The following ZBTB47 variants were observed in gnomAD, a reference collection of about 807,000 sequenced individuals.
The protein encoded by ZBTB47 is zinc finger and BTB domain containing 47.
Under a neutral mutation model 56.6 loss-of-function variants are expected in ZBTB47, and 24 were observed. That is an observed-to-expected ratio of 0.42 (90% CI 0.31 to 0.60). The LOEUF is 0.60. Among genes scored for constraint, ZBTB47 ranks in the 20% least tolerant of loss-of-function variants. The probability of loss-of-function intolerance (pLI) is 0.14; values close to 1 mark genes in which losing one functional copy is unlikely to be tolerated. For synonymous variants in ZBTB47, 414 were observed against 418.9 expected, an observed-to-expected ratio of 0.99 and a Z score of 0.14; for missense variants, 829 against 1,032.6, an observed-to-expected ratio of 0.80 and a Z score of 2.70.
At position 42,659,605 on chromosome 3, in the gene ZBTB47, G is replaced by A. The variant is rs1261693688; in HGVS notation, c.1250G>A (p.Gly417Glu). The change falls in exon 2 of 6, where the codon GGG (glycine) becomes GAG (glutamate). Residue 417 changes from glycine to glutamate, a missense_variant. By Grantham distance (98) the Gly-to-Glu change is moderately conservative. Coordinates refer to ENST00000232974, the MANE Select transcript of ZBTB47 (RefSeq NM_145166.4). Reference sequence around the variant, plus strand: ...GGAGTGGCCTCTGCATCGGCCCGAGGGCCGCCAGCCACTGATGGGCTGGGG... The same window carrying A: ...GGAGTGGCCTCTGCATCGGCCCGAGAGCCGCCAGCCACTGATGGGCTGGGG... The part of the protein sequence containing the change: ...PPGVASASAR[G>E]PPATDGLGAK... 1 of 1,601,804 alleles carries A rather than the reference G, an allele frequency of 6.2e-7. No individual in the cohort carries two copies. The highest frequency in any genetic ancestry group is 1.1e-5 in the South Asian group (1 of 89,608).
Position 42,662,919 on chromosome 3 carries a change from C to T in ZBTB47, c.1622-93C>T. 3.5e-6 allele frequency: 3 copies of T among 854,812 alleles called. No individual in the cohort carries two copies. In the South Asian group the frequency reaches 4.4e-5, roughly 13 times the overall value. The allele number at this position is 854,812 out of a possible 1,614,324, so 53.0% of individuals were successfully genotyped here. A position where few individuals can be genotyped will look rare whatever the true frequency, so the allele number is the denominator to read the frequency against. Reference sequence around the variant, plus strand: ...GGCCAGCCCCAGAGAAGGGTGGTGGCACAGGGCTGCCCCAGGAGGCAGGGT... The same window carrying T: ...GGCCAGCCCCAGAGAAGGGTGGTGGTACAGGGCTGCCCCAGGAGGCAGGGT... On this transcript the variant is annotated intron_variant, in intron 3 of 5. Transcript: ENST00000232974.
rs1325421162 is a variant in ZBTB47 at position 42,667,154 on chromosome 3, A to C, written c.*2556A>C. Among the ~76,000 whole-genome samples, 1 of 152,256 alleles carries C rather than the reference A, an allele frequency of 6.6e-6. No homozygotes were observed. On this transcript the variant is annotated 3_prime_UTR_variant, in exon 6 of 6. Coordinates refer to ENST00000232974, the MANE Select transcript of ZBTB47 (RefSeq NM_145166.4). The stretch of plus-strand genomic sequence containing the variant: ...CAGAATGAGGCGACTAGGGCACCAT[A>C]CTCACTTTCCAGGGCTGGGGGAAGG...
chr3:42,661,359 T>C, intron 2 of ZBTB47, 126 bp from the exon 3 acceptor site: 1 of 1,063,088 alleles, frequency 9.4e-7, no homozygotes, highest in East Asian at 2.4e-5. Context: ...TGGCTGGCTG[T>C]TGGCATCAAG....
At position 42,654,693 on chromosome 3, in the gene ZBTB47, A is replaced by C; in HGVS notation, c.-82+810A>C. On this transcript the variant is annotated intron_variant, in intron 1 of 5. Transcript: ENST00000232974. The surrounding 1 kb of genome is among the most constrained non-coding windows in gnomAD (Gnocchi z 5.0). ...TGTGAGCCCCCAGCGCCACGGCACCATGGTACGCAGGGCCCTGCCTGTCCC... is the reference window on the plus strand; with the variant it reads ...TGTGAGCCCCCAGCGCCACGGCACCCTGGTACGCAGGGCCCTGCCTGTCCC... 1 of 984,750 alleles carries C rather than the reference A, an allele frequency of 1.0e-6. No individual in the cohort carries two copies. Among genetic ancestry groups the C allele is most frequent in the Non-Finnish European group, 1.2e-6 (1 of 829,686 alleles). 61.0% of individuals were successfully genotyped at this position (984,750 alleles called of 1,614,324 possible).
rs1255128590 is a variant in ZBTB47, at chr3:42,658,988, G to A, written c.633G>A (p.Glu211=). The part of the protein sequence containing the change: ...GGPPASLCKL[E]GGEELEEELG... ...CCCCAGCCAGCTTGTGCAAGCTGGAGGGTGGAGAAGAGTTGGAGGAAGAGC... is the reference window on the plus strand; with the variant it reads ...CCCCAGCCAGCTTGTGCAAGCTGGAAGGTGGAGAAGAGTTGGAGGAAGAGC... Residue 211 remains glutamate, a synonymous_variant, in exon 2 of 6, where the codon GAG becomes GAA. Transcript: ENST00000232974. 4 of 1,525,832 alleles carry A rather than the reference G, an allele frequency of 2.6e-6. No homozygotes were observed. The highest frequency in any genetic ancestry group is 3.5e-6 in the Non-Finnish European group (4 of 1,142,132). The allele number at this position is 1,525,832 out of a possible 1,614,324, so 94.5% of individuals were successfully genotyped here. A position where few individuals can be genotyped will look rare whatever the true frequency, so the allele number is the denominator to read the frequency against.
Position 42,659,624 on chromosome 3 carries a change from G to A in ZBTB47, c.1269G>A (p.Gly423=), listed in dbSNP as rs1240723165. ...ASARGPPATD[G]LGAKVKLEEK... ...CCCGAGGGCCGCCAGCCACTGATGG[G>A]CTGGGGGCCAAGGTGAAGCTGGAGG... The change falls in exon 2 of 6, where the codon GGG becomes GGA. Residue 423 remains glycine, a synonymous_variant. Coordinates refer to ENST00000232974, the MANE Select transcript of ZBTB47 (RefSeq NM_145166.4). 3.7e-6 allele frequency: 6 copies of A among 1,610,848 alleles called. No homozygotes were observed. The highest frequency in any genetic ancestry group is 5.1e-6 in the Non-Finnish European group (6 of 1,178,758).
In ZBTB47 at chr3:42,663,287, C is replaced by G. The variant is rs754361344; in HGVS notation, c.1737+160C>G. On this transcript the variant is annotated intron_variant, in intron 4 of 5. Coordinates refer to ENST00000232974, the MANE Select transcript of ZBTB47 (RefSeq NM_145166.4). The surrounding 1 kb of genome is among the most constrained non-coding windows in gnomAD (Gnocchi z 5.1). ...AGGTCTGCAGCCCCTGCCTCCCACTCCCACCCAGCCCCTACTCTTCTCTGG... is the reference window on the plus strand; with the variant it reads ...AGGTCTGCAGCCCCTGCCTCCCACTGCCACCCAGCCCCTACTCTTCTCTGG... Among the ~76,000 whole-genome samples the G allele has an allele frequency of 7.2e-5, 11 of 152,110 alleles. No homozygotes were observed. Among genetic ancestry groups the G allele is most frequent in the Non-Finnish European group, 1.3e-4 (9 of 67,984 alleles).
In ZBTB47 at chr3:42,656,863, G is replaced by A. The variant is rs1710646127; in HGVS notation, c.-81-1412G>A. On this transcript the variant is annotated intron_variant, in intron 1 of 5. Coordinates refer to ENST00000232974, the MANE Select transcript of ZBTB47 (RefSeq NM_145166.4). The surrounding 1 kb of genome is among the most constrained non-coding windows in gnomAD (Gnocchi z 5.8). Reference sequence around the variant, plus strand: ...GCATGGGGAAGGGGGGCGGTAGGCTGTGGATGGATGGGGCCAGGATTCATC... The same window carrying A: ...GCATGGGGAAGGGGGGCGGTAGGCTATGGATGGATGGGGCCAGGATTCATC... 1.3e-5 allele frequency among the ~76,000 whole-genome samples: 2 copies of A among 152,202 alleles called. No homozygotes were observed. Among genetic ancestry groups the A allele is most frequent in the Admixed American group, 1.3e-4 (2 of 15,288 alleles).
In ZBTB47 at chr3:42,659,303, A is replaced by G; in HGVS notation, c.948A>G (p.Glu316=). ...EEGGSQGEEE[E]EEEDGHSEQE... ...GTGGCAGTCAGGGAGAAGAGGAAGA[A>G]GAGGAGGAGGACGGGCACAGTGAGC... The change falls in exon 2 of 6, where the codon GAA becomes GAG. Residue 316 remains glutamate, a synonymous_variant. Coordinates refer to ENST00000232974, the MANE Select transcript of ZBTB47 (RefSeq NM_145166.4). 6.8e-7 allele frequency: 1 copy of G among 1,478,076 alleles called. No homozygotes were observed. Among genetic ancestry groups the G allele is most frequent in the Non-Finnish European group, 9.1e-7 (1 of 1,097,638 alleles). The allele number at this position is 1,478,076 out of a possible 1,614,324, so 91.6% of individuals were successfully genotyped here. A position where few individuals can be genotyped will look rare whatever the true frequency, so the allele number is the denominator to read the frequency against.
chr3:42,655,147 A>T (rs1710625413), intron 1 of ZBTB47, among the ~76,000 whole-genome samples: 1 of 152,116 alleles, frequency 6.6e-6, no homozygotes, highest in Admixed American at 6.5e-5. Flanking sequence ...CCTTGGGCAG[A>T]TCCCCCGCCC....
intron 3 of ZBTB47, 65 bp from the exon 4 acceptor site, chr3:42,662,946 TG>T: frequency 8.3e-7 from 1 of 1,205,010 alleles, no homozygotes; most frequent in Non-Finnish European, 1.2e-6. Context: ...AGGCAGGGTC[TG>T]GGCCCAACGT....
intron 1 of ZBTB47, among the ~76,000 whole-genome samples, chr3:42,657,461 G>A (rs917825970): frequency 1.3e-5 from 2 of 152,234 alleles, no homozygotes; most frequent in Admixed American, 6.5e-5. Context: ...CAGAGCCCCT[G>A]AGTGAGAGAG....
At position 42,664,299 on chromosome 3, in the gene ZBTB47, C is replaced by G; in HGVS notation, c.1945C>G (p.Arg649Gly). The G allele has an allele frequency of 6.2e-7, 1 of 1,613,470 alleles. No homozygotes were observed. The highest frequency in any genetic ancestry group is 8.5e-7 in the Non-Finnish European group (1 of 1,179,806). ...KSFTSRPNMKRHRRTHTGEKP... is the reference protein window; with the variant it reads ...KSFTSRPNMKGHRRTHTGEKP... The stretch of plus-strand genomic sequence containing the variant: ...CTTCACCAGCCGGCCCAACATGAAG[C>G]GGCACCGGCGCACGCACACGGGCGA... The change falls in exon 6 of 6, where the codon CGG becomes GGG. Residue 649 changes from arginine (R) to glycine (G), a missense_variant. This residue lies in a region of ZBTB47 where 44 missense variants were observed against 76.7 expected (regional missense o/e 0.57). Transcript: ENST00000232974.
rs1293850042 is a variant in ZBTB47 at position 42,654,975 on chromosome 3, G to A, written c.-82+1092G>A. Among the ~76,000 whole-genome samples, 1 of 152,080 alleles carries A rather than the reference G, an allele frequency of 6.6e-6. No individual in the cohort carries two copies. Among genetic ancestry groups the A allele is most frequent in the African/African-American group, 2.4e-5 (1 of 41,440 alleles). On this transcript the variant is annotated intron_variant, in intron 1 of 5. Coordinates refer to ENST00000232974, the MANE Select transcript of ZBTB47 (RefSeq NM_145166.4). The surrounding 1 kb of genome is among the most constrained non-coding windows in gnomAD (Gnocchi z 5.0). ...GGGGGCGCTCCCCTGCGCCCGGACG[G>A]CGCCGCCCTCGGGCTGGGTAATGGG... is the stretch of plus-strand genomic sequence containing the variant.
Position 42,664,510 on chromosome 3 carries a change from C to G in ZBTB47, c.2156C>G (p.Thr719Ser), listed in dbSNP as rs1267896945. 7.0e-7 allele frequency: 1 copy of G among 1,434,100 alleles called. No individual in the cohort carries two copies. Among genetic ancestry groups the G allele is most frequent in the African/African-American group, 1.5e-5 (1 of 66,350 alleles). 88.8% of individuals were successfully genotyped at this position (1,434,100 alleles called of 1,614,324 possible). Residue 719 changes from threonine (T) to serine (S), a missense_variant, in exon 6 of 6, where the codon ACC becomes AGC. Physicochemically the swap from Thr to Ser is moderately conservative, Grantham distance 58 (BLOSUM62 1). Coordinates refer to ENST00000232974, the MANE Select transcript of ZBTB47 (RefSeq NM_145166.4). ...ALPLLPGLPQTLPPPPHLPPP... is the reference protein window; with the variant it reads ...ALPLLPGLPQSLPPPPHLPPP... ...CCCCTGCTCCCGGGGCTGCCCCAGA[C>G]CCTGCCGCCCCCGCCCCACCTGCCG...
rs898257928 is a variant in ZBTB47 at position 42,667,578 on chromosome 3, G to A, written c.*2980G>A. Among the ~76,000 whole-genome samples the A allele has an allele frequency of 5.3e-5, 8 of 152,246 alleles. No homozygotes were observed. The highest frequency in any genetic ancestry group is 4.4e-5 in the Non-Finnish European group (3 of 68,050). On this transcript the variant is annotated 3_prime_UTR_variant, in exon 6 of 6. Transcript: ENST00000232974. ...AAGGGGAATAAAGTCAGTACAACTC[G>A]TGTCCCTTGGCCCAGCCTCTTCTTT...
At chr3:42,658,055 G>A (rs1011352750) in intron 1 of ZBTB47, among the ~76,000 whole-genome samples, 1 of 152,218 alleles carries the variant, frequency 6.6e-6, no homozygotes, top group Non-Finnish European at 1.5e-5. Flanking sequence ...GACAGGACCT[G>A]ATCTTCAGCC....
chr3:42,662,792 C>T (rs1432131140), intron 3 of ZBTB47, among the ~76,000 whole-genome samples: 1 of 152,174 alleles, frequency 6.6e-6, no homozygotes, highest in Non-Finnish European at 1.5e-5. Flanking sequence ...ACCACAGAGC[C>T]CCAGCATGTC....
chr3:42,664,189 G>T, intron 5 of ZBTB47, 48 bp from the exon 6 acceptor site: 2 of 1,601,562 alleles, frequency 1.2e-6, no homozygotes, highest in Non-Finnish European at 1.7e-6. Flanking sequence ...CCAGACTGGG[G>T]TGTGGCGACC....
Sources: allele counts gnomAD v4.1 joint callset (sites outside exome capture counted in the v4.1 genomes callset), GRCh38; gene constraint gnomAD v4.1.1; regional missense constraint gnomAD v4.1.1; non-coding constraint Gnocchi (gnomAD v3.1); transcripts MANE v1.5; gene names NCBI Gene and HGNC (gene_info 2026-07-23, HGNC 2026-07-21).